PRKCA: variants seen among roughly 807,000 people sequenced by gnomAD.
PRKCA encodes the protein protein kinase C alpha type.
A neutral mutation model predicts 87.0 loss-of-function variants in PRKCA; 27 were observed. That is an observed-to-expected ratio of 0.31 (90% CI 0.23 to 0.43). The LOEUF (loss-of-function observed/expected upper bound fraction) is 0.43. Among genes scored for constraint, PRKCA ranks in the 20% least tolerant of loss-of-function variants. PRKCA has a pLI of 1.00. For missense variants in PRKCA, 518 were observed against 852.3 expected (o/e 0.61, Z 4.88); for synonymous variants, 329 against 311.1 (o/e 1.06, Z -0.61).
chr17:66,765,436 A>ATCTATATC (rs1568020983), intron 13 of PRKCA, among the ~76,000 whole-genome samples: 1 of 109,396 alleles, frequency 9.1e-6, no homozygotes, highest in Non-Finnish European at 1.9e-5. Context: ...ATATATATAT[A>ATCTATATC]TATATATATA....
rs1180033222 is a variant in PRKCA at position 66,544,635 on chromosome 17, C to T, written c.288+48352C>T. ...ATGGAGTGAGTCTTGCTTTGTCACC[C>T]AGGCTGGAGTACTGTGGCATGATCT... On this transcript the variant is annotated intron_variant, in intron 3 of 16. Coordinates refer to ENST00000413366, the MANE Select transcript of PRKCA (RefSeq NM_002737.3). 2.6e-5 allele frequency among the ~76,000 whole-genome samples: 4 copies of T among 152,114 alleles called. No homozygotes were observed. The East Asian group carries it at 7.7e-4, about 29-fold the overall frequency.
intron 3 of PRKCA, among the ~76,000 whole-genome samples, chr17:66,516,640 A>G (rs1364814252): frequency 2.6e-5 from 4 of 152,060 alleles, no homozygotes; most frequent in South Asian, 2.1e-4. Context: ...CTAAAAAAAA[A>G]AAGAATAAGT....
chr17:66,707,021 C>G (rs1973209504), intron 8 of PRKCA, among the ~76,000 whole-genome samples: 2 of 152,108 alleles, frequency 1.3e-5, no homozygotes, highest in South Asian at 4.1e-4. Context: ...GGACCCAGAC[C>G]TCCTGTGTGA....
At chr17:66,579,065 G>A (rs189030303) in intron 3 of PRKCA, among the ~76,000 whole-genome samples, 9 of 152,294 alleles carry the variant, frequency 5.9e-5, no homozygotes, top group East Asian at 5.8e-4. Flanking sequence ...CTTTCTGCTC[G>A]GAGCATGTGC....
chr17:66,477,421 C>T (rs1011166278), intron 2 of PRKCA, among the ~76,000 whole-genome samples: 3 of 152,034 alleles, frequency 2.0e-5, no homozygotes, highest in African/African-American at 4.8e-5. Flanking sequence ...ACTTTGTGGC[C>T]GAGCGCGGTG....
chr17:66,531,732 C>A (rs565539921), intron 3 of PRKCA, among the ~76,000 whole-genome samples: 215 of 152,290 alleles, frequency 1.4e-3, no homozygotes, highest in African/African-American at 4.9e-3. Flanking sequence ...ACACCTGTGT[C>A]GTGTATTATT....
chr17:66,357,501 A>G (rs1486483587), intron 2 of PRKCA, among the ~76,000 whole-genome samples: 1 of 152,220 alleles, frequency 6.6e-6, no homozygotes, highest in Non-Finnish European at 1.5e-5. Context: ...TCATTATAAA[A>G]AATGTCTATT....
At position 66,424,926 on chromosome 17, in the gene PRKCA, G is replaced by T. The variant is rs189420375; in HGVS notation, c.206-71275G>T. On this transcript the variant is annotated intron_variant, in intron 2 of 16. Transcript: ENST00000413366. ...CACCGTGCCTGGCTAATTTTTTTTT[G>T]TGTGTGTATTTTTTTAGTAGAGATG... is the stretch of plus-strand genomic sequence containing the variant. Among the ~76,000 whole-genome samples, 473 of 151,714 alleles carry T rather than the reference G, an allele frequency of 3.1e-3. 6 individuals are homozygous for T. The Middle Eastern group carries it at 0.037, about 12-fold the overall frequency.
At chr17:66,357,896 C>G (rs1177070174) in intron 2 of PRKCA, among the ~76,000 whole-genome samples, 1 of 148,686 alleles carries the variant, frequency 6.7e-6, no homozygotes, top group Admixed American at 6.6e-5. Context: ...TGCAGATGGA[C>G]AACAGAATGA....
At chr17:66,750,221 A>G (rs911052663) in intron 13 of PRKCA, among the ~76,000 whole-genome samples, 2 of 152,054 alleles carry the variant, frequency 1.3e-5, no homozygotes, top group Non-Finnish European at 2.9e-5. Context: ...TGGGCCCCGC[A>G]CCAGCCCAGC....
chr17:66,680,793 G>A (rs947679411), intron 5 of PRKCA, among the ~76,000 whole-genome samples: 14 of 152,192 alleles, frequency 9.2e-5, no homozygotes, highest in African/African-American at 2.9e-4. Flanking sequence ...CCACATTGGG[G>A]GTGGGGGAGG....
At chr17:66,660,723 A>G (rs1428131065) in intron 5 of PRKCA, among the ~76,000 whole-genome samples, 1 of 151,984 alleles carries the variant, frequency 6.6e-6, no homozygotes, top group Non-Finnish European at 1.5e-5. Context: ...ACCTGTCTCT[A>G]CTAAAAAATA....
chr17:66,399,391 A>C (rs1598640133), intron 2 of PRKCA, among the ~76,000 whole-genome samples: 1 of 152,160 alleles, frequency 6.6e-6, no homozygotes. Flanking sequence ...GCAGTAAATG[A>C]AAATTTGGGT....
intron 5 of PRKCA, among the ~76,000 whole-genome samples, chr17:66,679,858 CT>C (rs1972442405): frequency 1.3e-5 from 2 of 152,162 alleles, no homozygotes; most frequent in African/African-American, 4.8e-5. Context: ...TACTCATTAG[CT>C]TTGTGTGGTG....
At chr17:66,458,094 G>T (rs534814170) in intron 2 of PRKCA, among the ~76,000 whole-genome samples, 1 of 152,212 alleles carries the variant, frequency 6.6e-6, no homozygotes, top group Non-Finnish European at 1.5e-5. Flanking sequence ...GTAAGTAGCA[G>T]TTTCCCAAAC....
At chr17:66,562,155 TATATATATAATTAAATA>T (rs1968725693) in intron 3 of PRKCA, among the ~76,000 whole-genome samples, 1 of 34,320 alleles carries the variant, frequency 2.9e-5, no homozygotes, top group African/African-American at 1.9e-4. Context: ...ATAATTAAAT[TATATATATAATTAAATA>T]TATATAATTA....
At chr17:66,458,245 A>G (rs1363722681) in intron 2 of PRKCA, among the ~76,000 whole-genome samples, 1 of 152,216 alleles carries the variant, frequency 6.6e-6, no homozygotes, top group East Asian at 1.9e-4. Context: ...TTCTTTTGTC[A>G]GGATCTTGTA....
intron 3 of PRKCA, among the ~76,000 whole-genome samples, chr17:66,540,557 G>A (rs962668317): frequency 6.6e-6 from 1 of 152,184 alleles, no homozygotes; most frequent in Admixed American, 6.5e-5. Flanking sequence ...AGCAGCACTC[G>A]GAGTGGAGTG....
rs1447186228 is a variant in PRKCA, at chr17:66,808,311, T to G, written c.*4274T>G. ...GAGACATTTCGGAGGGTTTTTTTTG[T>G]TTTTGTTCCTGTTTTTTTTTTTTTT... On this transcript the variant is annotated 3_prime_UTR_variant, in exon 17 of 17. Coordinates refer to ENST00000413366, the MANE Select transcript of PRKCA (RefSeq NM_002737.3). 7.6e-6 allele frequency: 1 copy of G among 132,146 alleles called. No individual in the cohort carries two copies. The highest frequency in any genetic ancestry group is 2.5e-4 in the East Asian group (1 of 3,958). The allele number at this position is 132,146 out of a possible 1,614,324, so 8.2% of individuals were successfully genotyped here. A position where few individuals can be genotyped will look rare whatever the true frequency, so the allele number is the denominator to read the frequency against.
Sources: allele counts gnomAD v4.1 joint callset (sites outside exome capture counted in the v4.1 genomes callset), GRCh38; gene constraint gnomAD v4.1.1; transcripts MANE v1.5; gene names NCBI Gene and HGNC (gene_info 2026-07-23, HGNC 2026-07-21).